Variants in THSD4 observed in about 807,000 individuals in gnomAD.
The protein encoded by THSD4 is thrombospondin type-1 domain-containing protein 4.
In THSD4, 69 loss-of-function variants were observed where a neutral mutation model predicts 119.0. That is an observed-to-expected ratio of 0.58 (90% CI 0.48 to 0.71). THSD4 has a LOEUF of 0.71. Among genes scored for constraint, THSD4 ranks in the 30% least tolerant of loss-of-function variants. The pLI, the probability that THSD4 is intolerant of heterozygous loss-of-function variation, is 0.00. For synonymous variants in THSD4, 524 were observed against 540.4 expected (o/e 0.97, Z 0.42); for missense variants, 1,393 against 1,391.1 (o/e 1.00, Z -0.02).
At chr15:71,753,810 G>A (rs1449861283) in intron 14 of THSD4, among the ~76,000 whole-genome samples, 1 of 152,122 alleles carries the variant, frequency 6.6e-6, no homozygotes, top group Admixed American at 6.5e-5. Context: ...ACACTTGTTG[G>A]GCTTTTCACT....
At chr15:71,755,223 C>A (rs918695035) in intron 14 of THSD4, among the ~76,000 whole-genome samples, 1 of 152,194 alleles carries the variant, frequency 6.6e-6, no homozygotes, top group Non-Finnish European at 1.5e-5. Flanking sequence ...GTTCTGATCC[C>A]CTTCAAGCCC....
At chr15:71,746,773 G>T (rs1220730540) in intron 12 of THSD4, 65 bp from the exon 13 acceptor site, 15 of 1,520,642 alleles carry the variant, frequency 9.9e-6, no homozygotes, top group South Asian at 2.2e-5. Context: ...GCTGCTGCGG[G>T]CTCACGCTGA....
chr15:71,265,987 C>T (rs1344286948), intron 6 of THSD4, among the ~76,000 whole-genome samples: 1 of 152,238 alleles, frequency 6.6e-6, no homozygotes, highest in East Asian at 1.9e-4. Flanking sequence ...ATCCCCATCT[C>T]CCTGGGACAG....
intron 7 of THSD4, among the ~76,000 whole-genome samples, chr15:71,602,732 G>T (rs1370933852): frequency 1.3e-5 from 2 of 152,276 alleles, no homozygotes; most frequent in Admixed American, 6.5e-5. Context: ...AAGGGAATGG[G>T]CAGTGACTGC....
At chr15:71,329,423 C>T (rs2045393375) in intron 6 of THSD4, among the ~76,000 whole-genome samples, 1 of 152,192 alleles carries the variant, frequency 6.6e-6, no homozygotes, top group Non-Finnish European at 1.5e-5. Context: ...GAGTGACCCA[C>T]ACTGCTTATA....
intron 3 of THSD4, among the ~76,000 whole-genome samples, chr15:71,192,357 A>G (rs750178059): frequency 2.0e-4 from 31 of 151,974 alleles, no homozygotes; most frequent in Non-Finnish European, 3.4e-4. Context: ...ATCTCAGCTC[A>G]CTGCAGCCTC....
chr15:71,282,256 T>C (rs1042688350), intron 6 of THSD4, among the ~76,000 whole-genome samples: 11 of 152,244 alleles, frequency 7.2e-5, no homozygotes, highest in African/African-American at 2.7e-4. Flanking sequence ...GAGGAATGTT[T>C]GGCATCTCAC....
At chr15:71,589,175 T>A (rs2049748283) in intron 7 of THSD4, among the ~76,000 whole-genome samples, 3 of 152,176 alleles carry the variant, frequency 2.0e-5, no homozygotes, top group Admixed American at 6.5e-5. Flanking sequence ...ATACAGTGAA[T>A]TTAGTGGATT....
intron 7 of THSD4, among the ~76,000 whole-genome samples, chr15:71,617,092 CAT>C (rs1367312958): frequency 6.6e-6 from 1 of 152,144 alleles, no homozygotes; most frequent in African/African-American, 2.4e-5. Context: ...CATATTGCAT[CAT>C]GTGATATCAT....
At chr15:71,269,246 C>G (rs2044501130) in intron 6 of THSD4, among the ~76,000 whole-genome samples, 1 of 152,148 alleles carries the variant, frequency 6.6e-6, no homozygotes, top group Non-Finnish European at 1.5e-5. Flanking sequence ...AAAAGCTTAT[C>G]CATCACAATC....
intron 7 of THSD4, among the ~76,000 whole-genome samples, chr15:71,423,833 C>G (rs1002596177): frequency 6.6e-6 from 1 of 152,214 alleles, no homozygotes; most frequent in Non-Finnish European, 1.5e-5. Context: ...CGTGGCAAGC[C>G]TTGCCATAAC....
At chr15:71,628,111 T>G (rs1182975725) in intron 7 of THSD4, among the ~76,000 whole-genome samples, 6 of 152,266 alleles carry the variant, frequency 3.9e-5, no homozygotes, top group Non-Finnish European at 5.9e-5. Context: ...CCCAAGTCAG[T>G]CAGAGTCCTG....
intron 6 of THSD4, among the ~76,000 whole-genome samples, chr15:71,271,065 G>C (rs2044523325): frequency 6.6e-6 from 1 of 151,960 alleles, no homozygotes. Flanking sequence ...GTGTATTATT[G>C]CTTCTCTGCA....
At chr15:71,121,033 C>A (rs2040404602) in intron 1 of THSD4, among the ~76,000 whole-genome samples, 1 of 152,216 alleles carries the variant, frequency 6.6e-6, no homozygotes, top group Non-Finnish European at 1.5e-5. Context: ...GGCTGCCCTA[C>A]CTGCTTCCTT....
At chr15:71,326,024 G>A (rs1029609872) in intron 6 of THSD4, among the ~76,000 whole-genome samples, 1 of 152,182 alleles carries the variant, frequency 6.6e-6, no homozygotes, top group Non-Finnish European at 1.5e-5. Flanking sequence ...TTCGAGTAGA[G>A]CAAGAACATC....
chr15:71,124,316 A>G (rs1260773052), intron 1 of THSD4, among the ~76,000 whole-genome samples: 1 of 152,236 alleles, frequency 6.6e-6, no homozygotes, highest in African/African-American at 2.4e-5. Context: ...TTAATTTCAT[A>G]TAATTTTTAT....
At chr15:71,116,886 A>C (rs977491018) in intron 1 of THSD4, among the ~76,000 whole-genome samples, 4 of 152,196 alleles carry the variant, frequency 2.6e-5, no homozygotes, top group Middle Eastern at 3.4e-3. Flanking sequence ...AAAGAAGCAA[A>C]CATTTTAAAA....
chr15:71,770,935 C>T, intron 16 of THSD4, 129 bp from the exon 17 acceptor site: 1 of 1,366,924 alleles, frequency 7.3e-7, no homozygotes, highest in Non-Finnish European at 1.0e-6. Context: ...TTGATAGGTA[C>T]ATGGGAGTTT....
At chr15:71,382,121 G>C (rs1219645288) in intron 6 of THSD4, among the ~76,000 whole-genome samples, 1 of 152,106 alleles carries the variant, frequency 6.6e-6, no homozygotes, top group Non-Finnish European at 1.5e-5. Flanking sequence ...AAATACAGAA[G>C]TTTACATAGT....
Sources: allele counts gnomAD v4.1 joint callset (sites outside exome capture counted in the v4.1 genomes callset), GRCh38; gene constraint gnomAD v4.1.1; transcripts MANE v1.5; gene names NCBI Gene and HGNC (gene_info 2026-07-23, HGNC 2026-07-21).